The following LASP1 variants were observed in gnomAD, a reference collection of about 807,000 sequenced individuals.
LASP1 encodes LIM and SH3 domain protein 1.
Under a neutral mutation model 38.6 loss-of-function variants are expected in LASP1, and 10 were observed. The ratio of observed to expected loss-of-function variants is 0.26; its 90% CI spans 0.16 to 0.44. The LOEUF (loss-of-function observed/expected upper bound fraction) is 0.44, where lower values mean the gene tolerates loss of function less well. LASP1 is among the 20% of genes least tolerant of loss of function. The pLI, the probability that LASP1 is intolerant of heterozygous loss-of-function variation, is 1.00. For synonymous variants in LASP1, 132 were observed against 140.8 expected (o/e 0.94, Z 0.44); for missense variants, 243 against 375.7 (o/e 0.65, Z 2.92).
At chr17:38,899,785 C>T (rs1257837157) in intron 4 of LASP1, among the ~76,000 whole-genome samples, 1 of 143,552 alleles carries the variant, frequency 7.0e-6, no homozygotes, top group Non-Finnish European at 1.5e-5. Flanking sequence ...CACTCTGTTG[C>T]TCAGGCTGGA....
chr17:38,912,463 G>A (rs572448743), intron 4 of LASP1, among the ~76,000 whole-genome samples: 68 of 151,862 alleles, frequency 4.5e-4, no homozygotes, highest in African/African-American at 1.4e-3. Context: ...CCAGGGTGCC[G>A]CTGGGCCAGG....
At chr17:38,884,140 G>A (rs1914037136) in intron 2 of LASP1, among the ~76,000 whole-genome samples, 1 of 151,996 alleles carries the variant, frequency 6.6e-6, no homozygotes, top group South Asian at 2.1e-4. Flanking sequence ...TGGAACGGGC[G>A]AGGCTCTGTG....
At chr17:38,886,307 G>A (rs1914135466) in intron 2 of LASP1, among the ~76,000 whole-genome samples, 3 of 152,028 alleles carry the variant, frequency 2.0e-5, no homozygotes, top group Admixed American at 1.3e-4. Context: ...ACTGGGGACT[G>A]TGGGCTGTGG....
intron 1 of LASP1, among the ~76,000 whole-genome samples, chr17:38,875,896 CT>C (rs1402363347): frequency 6.6e-6 from 1 of 152,200 alleles, no homozygotes; most frequent in Non-Finnish European, 1.5e-5. Context: ...AAAAGTCCCC[CT>C]GGGCCTGCCT....
At position 38,918,511 on chromosome 17, in the gene LASP1, G is replaced by T; in HGVS notation, c.613-94G>T. The stretch of plus-strand genomic sequence containing the variant: ...ATTTCTGAGTTCACTGCTCCCCCAG[G>T]CTCTGCTCCAGGGTCGTGGAGAGTT... On this transcript the variant is annotated intron_variant, in intron 6 of 6. Transcript: ENST00000318008. This position sits in a 1 kb window ranked among gnomAD's most constrained non-coding sequence, Gnocchi z 4.4. 3.2e-6 allele frequency: 4 copies of T among 1,262,112 alleles called. No homozygotes were observed. Among genetic ancestry groups the T allele is most frequent in the Middle Eastern group, 2.0e-4 (1 of 5,110 alleles). 78.2% of individuals were successfully genotyped at this position (1,262,112 alleles called of 1,614,324 possible).
At chr17:38,913,962 A>G (rs1427136279) in intron 4 of LASP1, among the ~76,000 whole-genome samples, 12 of 150,428 alleles carry the variant, frequency 8.0e-5, no homozygotes, top group African/African-American at 2.9e-4. Flanking sequence ...AGATCGTACC[A>G]TTGCACTCCA....
chr17:38,887,774 C>T (rs560970064), intron 2 of LASP1, among the ~76,000 whole-genome samples: 1 of 152,282 alleles, frequency 6.6e-6, no homozygotes, highest in South Asian at 2.1e-4. Context: ...AAGTTATGCT[C>T]CTTTGATTGA....
intron 5 of LASP1, among the ~76,000 whole-genome samples, chr17:38,914,677 GACACACACACAC>G (rs10599326): frequency 1.7e-3 from 252 of 146,770 alleles, no homozygotes; most frequent in Non-Finnish European, 2.8e-3. Context: ...GCGAGAGACA[GACACACACACAC>G]ACACACACAC....
intron 5 of LASP1, 67 bp from the exon 6 acceptor site, chr17:38,914,975 TC>T: frequency 2.0e-6 from 3 of 1,481,230 alleles, no homozygotes; most frequent in Non-Finnish European, 2.8e-6. Context: ...TATGGACTTC[TC>T]GGGAGCTCTG....
chr17:38,890,575 TG>T, intron 3 of LASP1, 71 bp downstream of exon 3: 1 of 1,378,780 alleles, frequency 7.3e-7, no homozygotes, highest in East Asian at 2.3e-5. Flanking sequence ...GGTCGGCATT[TG>T]GCAAGAGTAC....
At position 38,900,957 on chromosome 17, in the gene LASP1, C is replaced by T. The variant is rs548226108; in HGVS notation, c.357+2438C>T. Among the ~76,000 whole-genome samples, 6 of 152,318 alleles carry T rather than the reference C, an allele frequency of 3.9e-5. No individual in the cohort carries two copies. The South Asian group carries it at 6.2e-4, about 16-fold the overall frequency. Reference sequence around the variant, plus strand: ...CCTTAGGTCTGTGTTTCAGAGCTCTCGGCTTGGAAAGTGGGGGAGGGGGAA... The same window carrying T: ...CCTTAGGTCTGTGTTTCAGAGCTCTTGGCTTGGAAAGTGGGGGAGGGGGAA... On this transcript the variant is annotated intron_variant, in intron 4 of 6. Transcript: ENST00000318008.
intron 2 of LASP1, among the ~76,000 whole-genome samples, chr17:38,879,087 C>A (rs139578572): frequency 6.6e-6 from 1 of 150,958 alleles, no homozygotes; most frequent in Non-Finnish European, 1.5e-5. Context: ...CCTCCACCTG[C>A]GAGGTGGAGG....
chr17:38,909,700 C>CT (rs945340397), intron 4 of LASP1, among the ~76,000 whole-genome samples: 3 of 152,034 alleles, frequency 2.0e-5, no homozygotes, highest in East Asian at 1.9e-4. Context: ...GAAGAAAACT[C>CT]TAACTCCTGG....
intron 4 of LASP1, among the ~76,000 whole-genome samples, chr17:38,900,835 A>G (rs531250685): frequency 6.6e-6 from 1 of 152,140 alleles, no homozygotes; most frequent in African/African-American, 2.4e-5. Context: ...TTCCCCTCCA[A>G]CTTCCAGAGG....
intron 2 of LASP1, among the ~76,000 whole-genome samples, chr17:38,889,933 C>A (rs1283701730): frequency 2.6e-5 from 4 of 152,210 alleles, no homozygotes; most frequent in Non-Finnish European, 5.9e-5. Flanking sequence ...CAGGAAGTCC[C>A]CCTGGATATG....
At chr17:38,883,567 A>T (rs561392858) in intron 2 of LASP1, among the ~76,000 whole-genome samples, 1 of 152,196 alleles carries the variant, frequency 6.6e-6, no homozygotes, top group East Asian at 1.9e-4. Context: ...GCCTCCAGGT[A>T]GCCCTCCCAC....
In LASP1 at chr17:38,918,508, C is replaced by T. The variant is rs1343152593; in HGVS notation, c.613-97C>T. ...TCCATTTCTGAGTTCACTGCTCCCC[C>T]AGGCTCTGCTCCAGGGTCGTGGAGA... On this transcript the variant is annotated intron_variant, in intron 6 of 6. Transcript: ENST00000318008. This position sits in a 1 kb window ranked among gnomAD's most constrained non-coding sequence, Gnocchi z 4.4. 8.1e-7 allele frequency: 1 copy of T among 1,241,482 alleles called. No individual in the cohort carries two copies. The highest frequency in any genetic ancestry group is 1.5e-5 in the African/African-American group (1 of 66,332). 76.9% of individuals were successfully genotyped at this position (1,241,482 alleles called of 1,614,324 possible). A position where few individuals can be genotyped will look rare whatever the true frequency, so the allele number is the denominator to read the frequency against.
At chr17:38,878,277 C>T (rs893384031) in intron 2 of LASP1, 97 bp downstream of exon 2, 30 of 777,770 alleles carry the variant, frequency 3.9e-5, no homozygotes, top group Non-Finnish European at 5.4e-5. Flanking sequence ...GTGACATTGG[C>T]GAACACTTCC....
At chr17:38,893,444 G>A (rs561031399) in intron 3 of LASP1, among the ~76,000 whole-genome samples, 87 of 152,342 alleles carry the variant, frequency 5.7e-4, no homozygotes, top group African/African-American at 2.0e-3. Context: ...ATGGGCAGGA[G>A]TGTACCGACC....
Sources: allele counts gnomAD v4.1 joint callset (sites outside exome capture counted in the v4.1 genomes callset), GRCh38; gene constraint gnomAD v4.1.1; non-coding constraint Gnocchi (gnomAD v3.1); transcripts MANE v1.5; gene names NCBI Gene and HGNC (gene_info 2026-07-23, HGNC 2026-07-21).